Variants in POLE2 observed in about 807,000 individuals in gnomAD.
POLE2 encodes the protein DNA polymerase epsilon subunit 2.
Under a neutral mutation model 79.4 loss-of-function variants are expected in POLE2, and 56 were observed. That is an observed-to-expected ratio of 0.71 (90% confidence interval 0.57 to 0.88). The LOEUF is 0.88. Ranked by LOEUF, POLE2 falls within the 40% of genes least tolerant of loss-of-function variation. The pLI, the probability that POLE2 is intolerant of heterozygous loss-of-function variation, is 0.00. For synonymous variants in POLE2, 212 were observed against 214.0 expected (o/e 0.99, Z 0.08); for missense variants, 598 against 638.9 (o/e 0.94, Z 0.69).
chr14:49,680,423 C>T (rs900953023), intron 2 of POLE2, among the ~76,000 whole-genome samples: 2 of 152,024 alleles, frequency 1.3e-5, no homozygotes, highest in African/African-American at 4.8e-5. Flanking sequence ...ATCATCATAA[C>T]TGCTCAGTTT....
chr14:49,684,154 T>C (rs758519630), intron 1 of POLE2, among the ~76,000 whole-genome samples: 1 of 152,110 alleles, frequency 6.6e-6, no homozygotes, highest in Non-Finnish European at 1.5e-5. Flanking sequence ...CTGTTTTCAA[T>C]TGTAAAATAA....
At chr14:49,644,758 G>T (rs914920347) in intron 18 of POLE2, among the ~76,000 whole-genome samples, 4 of 151,754 alleles carry the variant, frequency 2.6e-5, no homozygotes, top group East Asian at 1.9e-4. Flanking sequence ...GCAGTAAAAA[G>T]GCTGGGCGCA....
rs78114465 is a variant in POLE2 at position 49,669,407 on chromosome 14, T to G, written c.492+117A>C. ...AAAAGTGGGCATGCAGCCCATCCAG[T>G]TAGCTAAACAGTTACCAATAGTTTA... On this transcript the variant is annotated intron_variant, in intron 6 of 18. Transcript: ENST00000216367. 1,204 of 618,588 alleles carry G rather than the reference T, an allele frequency of 1.9e-3. 12 individuals are homozygous for G. The African/African-American group carries it at 0.021, about 11-fold the overall frequency. The allele number at this position is 618,588 out of a possible 1,614,324, so 38.3% of individuals were successfully genotyped here.
At chr14:49,652,438 T>C (rs1168730953) in intron 15 of POLE2, among the ~76,000 whole-genome samples, 1 of 151,978 alleles carries the variant, frequency 6.6e-6, no homozygotes, top group African/African-American at 2.4e-5. Flanking sequence ...TACCAGTCCA[T>C]GGTCTGTTAG....
intron 1 of POLE2, among the ~76,000 whole-genome samples, chr14:49,687,054 C>T (rs1016730050): frequency 2.6e-5 from 4 of 151,964 alleles, no homozygotes; most frequent in African/African-American, 7.3e-5. Flanking sequence ...GAGGCCACGG[C>T]GCGAGGACTA....
chr14:49,687,502 T>A (rs1055843662), intron 1 of POLE2, among the ~76,000 whole-genome samples: 3 of 152,044 alleles, frequency 2.0e-5, no homozygotes, highest in Non-Finnish European at 4.4e-5. Flanking sequence ...GTCTCTCATC[T>A]TATGTCTCAG....
In POLE2 at chr14:49,678,619, T is replaced by C. The variant is rs78717960; in HGVS notation, c.245+1106A>G. Among the ~76,000 whole-genome samples, 8 of 152,296 alleles carry C rather than the reference T, an allele frequency of 5.3e-5. No homozygotes were observed. The East Asian group carries it at 7.7e-4, about 15-fold the overall frequency. On this transcript the variant is annotated intron_variant, in intron 3 of 18. Coordinates refer to ENST00000216367, the MANE Select transcript of POLE2 (RefSeq NM_002692.4). ...TCAGTACAATCATTTTGAATTTCTA[T>C]TGATGGCTTTAGGAACATTCATTAT...
intron 10 of POLE2, 40 bp downstream of exon 10, chr14:49,663,275 T>C: frequency 9.5e-7 from 1 of 1,055,306 alleles, no homozygotes; most frequent in East Asian, 2.6e-5. Context: ...CTGCCAGTAT[T>C]ACCAAATTCC....
At chr14:49,650,190 A>G in intron 17 of POLE2, 75 bp downstream of exon 17, 1 of 701,640 alleles carries the variant, frequency 1.4e-6, no homozygotes, top group Non-Finnish European at 2.1e-6. Flanking sequence ...ATCTTATTAA[A>G]TATATATTTT....
chr14:49,679,301 G>C (rs1886530928), intron 3 of POLE2, among the ~76,000 whole-genome samples: 1 of 152,168 alleles, frequency 6.6e-6, no homozygotes, highest in South Asian at 2.1e-4. Flanking sequence ...ACATAGTGGA[G>C]TCACAAAACT....
intron 3 of POLE2, among the ~76,000 whole-genome samples, chr14:49,675,258 A>G (rs1318840821): frequency 6.7e-6 from 1 of 150,136 alleles, no homozygotes; most frequent in Non-Finnish European, 1.5e-5. Flanking sequence ...CTAATTTTGT[A>G]TTTTTAACAA....
intron 10 of POLE2, among the ~76,000 whole-genome samples, chr14:49,657,397 T>C (rs1884768869): frequency 6.6e-6 from 1 of 152,064 alleles, no homozygotes; most frequent in Admixed American, 6.6e-5. Context: ...ACTCTCCAGA[T>C]ATACACATAC....
chr14:49,677,260 G>T, intron 3 of POLE2: 1 of 639,434 alleles, frequency 1.6e-6, no homozygotes. Context: ...TAAGCATGAG[G>T]CCCAGCTGCT....
chr14:49,644,913 G>A (rs1384629262), intron 18 of POLE2, among the ~76,000 whole-genome samples: 1 of 151,654 alleles, frequency 6.6e-6, no homozygotes, highest in Admixed American at 6.6e-5. Flanking sequence ...GTGGTGGCAT[G>A]TGCCTGTGAT....
At chr14:49,656,281 G>A (rs3007038) in intron 10 of POLE2, among the ~76,000 whole-genome samples, 30 of 151,884 alleles carry the variant, frequency 2.0e-4, no homozygotes, top group African/African-American at 5.3e-4. Flanking sequence ...CGTGAACCCC[G>A]GGGGGCGGAG....
intron 5 of POLE2, among the ~76,000 whole-genome samples, chr14:49,669,889 T>A (rs1885752307): frequency 1.3e-5 from 2 of 152,102 alleles, no homozygotes; most frequent in African/African-American, 2.4e-5. Context: ...GCATTGGGGC[T>A]AGTGAAAGAG....
intron 17 of POLE2, 122 bp from the exon 18 acceptor site, chr14:49,647,482 T>C (rs992939341): frequency 9.9e-6 from 3 of 303,832 alleles, no homozygotes; most frequent in African/African-American, 6.6e-5. Flanking sequence ...TTTTGAGACA[T>C]GGTCTCACTC....
intron 3 of POLE2, chr14:49,677,673 GC>G: frequency 2.2e-6 from 2 of 922,222 alleles, no homozygotes; most frequent in Non-Finnish European, 1.6e-6. Flanking sequence ...TTTGGGGAAG[GC>G]CCTTACGAAA....
At chr14:49,667,368 T>C (rs1885562891) in intron 6 of POLE2, among the ~76,000 whole-genome samples, 1 of 152,140 alleles carries the variant, frequency 6.6e-6, no homozygotes, top group Admixed American at 6.5e-5. Flanking sequence ...CTGAGACATC[T>C]TTCCATTTTT....
Sources: allele counts gnomAD v4.1 joint callset (sites outside exome capture counted in the v4.1 genomes callset), GRCh38; gene constraint gnomAD v4.1.1; transcripts MANE v1.5; gene names NCBI Gene and HGNC (gene_info 2026-07-23, HGNC 2026-07-21).